EIF4E3: variants seen among roughly 807,000 people sequenced by gnomAD.
The protein encoded by EIF4E3 is eukaryotic translation initiation factor 4E family member 3, also known as eukaryotic translation initiation factor 4E type 3.
EIF4E3 carries 26 observed loss-of-function variants against 31.7 expected under a neutral mutation model. That is an observed-to-expected ratio of 0.82 (90% confidence interval 0.60 to 1.14). The LOEUF (loss-of-function observed/expected upper bound fraction) is 1.14. EIF4E3 is among the 50% of genes most tolerant of loss of function. EIF4E3 has a pLI of 0.00. For missense variants in EIF4E3, 304 were observed against 270.9 expected (o/e 1.12, Z -0.86); for synonymous variants, 128 against 107.7 (o/e 1.19, Z -1.17).
chr3:71,736,626 CA>C (rs1381901452), intron 1 of EIF4E3, among the ~76,000 whole-genome samples: 1 of 152,118 alleles, frequency 6.6e-6, no homozygotes, highest in Non-Finnish European at 1.5e-5. Flanking sequence ...GTTAAAGGAT[CA>C]GGGGTTGTCA....
chr3:71,726,753 G>A (rs931347478), upstream of EIF4E3, among the ~76,000 whole-genome samples: 2 of 152,186 alleles, frequency 1.3e-5, no homozygotes, highest in Middle Eastern at 3.2e-3. Context: ...AAACAAGACC[G>A]CTGCTTTAAA....
chr3:71,671,543 A>G (rs536517737), downstream of EIF4E3, among the ~76,000 whole-genome samples: 3 of 152,346 alleles, frequency 2.0e-5, no homozygotes, highest in South Asian at 6.2e-4. Flanking sequence ...TGTCAGGATC[A>G]GAAAGACACT....
At chr3:71,719,364 C>A (rs951434109) in intron 1 of EIF4E3, among the ~76,000 whole-genome samples, 1 of 152,082 alleles carries the variant, frequency 6.6e-6, no homozygotes, top group African/African-American at 2.4e-5. Context: ...CCACAGAGGT[C>A]TGAATGAGTA....
chr3:71,697,559 C>T (rs2049157049), intron 3 of EIF4E3, among the ~76,000 whole-genome samples: 2 of 151,966 alleles, frequency 1.3e-5, no homozygotes, highest in African/African-American at 4.8e-5. Context: ...CCCTGTTTAT[C>T]ACCCCCACAA....
intron 1 of EIF4E3, among the ~76,000 whole-genome samples, chr3:71,739,735 A>G (rs1459019039): frequency 6.6e-6 from 1 of 152,168 alleles, no homozygotes; most frequent in Non-Finnish European, 1.5e-5. Flanking sequence ...CTTCAAGAAG[A>G]AGGAACATGA....
chr3:71,738,915 A>G (rs2049791322), intron 1 of EIF4E3, among the ~76,000 whole-genome samples: 1 of 150,008 alleles, frequency 6.7e-6, no homozygotes, highest in African/African-American at 2.5e-5. Flanking sequence ...AACTTAACAA[A>G]TGTAAAATAA....
At chr3:71,694,912 A>T (rs957159386) in intron 4 of EIF4E3, among the ~76,000 whole-genome samples, 1 of 152,210 alleles carries the variant, frequency 6.6e-6, no homozygotes, top group Non-Finnish European at 1.5e-5. Context: ...TCCATGCCAT[A>T]AACAGCTGTG....
chr3:71,660,691 T>C, the EIF4E3 span, among the ~76,000 whole-genome samples: 1,066 of 152,276 alleles, frequency 7.0e-3, 15 homozygotes, highest in African/African-American at 0.024. Flanking sequence ...GCTGAGGCAG[T>C]AGGAATTTTC....
chr3:71,751,163 G>T (rs1033610170), intron 1 of EIF4E3, among the ~76,000 whole-genome samples: 3 of 152,116 alleles, frequency 2.0e-5, no homozygotes, highest in Admixed American at 2.0e-4. Flanking sequence ...AGCCTGGGAG[G>T]TTGAGGCTGC....
chr3:71,671,023 G>A (rs2048844748), downstream of EIF4E3, among the ~76,000 whole-genome samples: 1 of 152,134 alleles, frequency 6.6e-6, no homozygotes, highest in African/African-American at 2.4e-5. Flanking sequence ...GGATGAGCTG[G>A]TGGGAATGTT....
chr3:71,713,288 G>A (rs960993740), intron 1 of EIF4E3, among the ~76,000 whole-genome samples: 1 of 152,190 alleles, frequency 6.6e-6, no homozygotes, highest in African/African-American at 2.4e-5. Flanking sequence ...GAATACAGGT[G>A]ACCCATTTGT....
At chr3:71,722,011 G>A (rs771194306) in intron 1 of EIF4E3, among the ~76,000 whole-genome samples, 7 of 148,674 alleles carry the variant, frequency 4.7e-5, no homozygotes, top group Non-Finnish European at 7.4e-5. Context: ...AGAAGGGAGA[G>A]TGACAAGGGA....
intron 1 of EIF4E3, among the ~76,000 whole-genome samples, chr3:71,713,437 T>G (rs139163959): frequency 6.6e-5 from 10 of 152,294 alleles, no homozygotes; most frequent in African/African-American, 2.4e-4. Context: ...ATCCCAATTT[T>G]TTTGTTTGTT....
chr3:71,714,246 G>GAAGA (rs1177166280), intron 1 of EIF4E3, among the ~76,000 whole-genome samples: 2,040 of 98,306 alleles, frequency 0.021, 36 homozygotes, highest in Non-Finnish European at 0.029. Context: ...AGAAGGAAAG[G>GAAGA]AAGGAAGGAA....
At chr3:71,728,270 G>T (rs1440950892), upstream of EIF4E3, among the ~76,000 whole-genome samples, 2 of 152,176 alleles carry the variant, frequency 1.3e-5, no homozygotes, top group Non-Finnish European at 2.9e-5. Context: ...TTCCCTTCCT[G>T]TTTGAAATAT....
upstream of EIF4E3, chr3:71,754,517 C>G: frequency 7.7e-7 from 1 of 1,300,198 alleles, no homozygotes; most frequent in Non-Finnish European, 9.7e-7. This position sits in a 1 kb window ranked among gnomAD's most constrained non-coding sequence, Gnocchi z 5.8. Context: ...CCGCGGCCTT[C>G]CCGCCAGTGC....
rs116062858 is a variant in EIF4E3 at position 71,685,816 on chromosome 3, G to A, written c.629-1088C>T. On this transcript the variant is annotated intron_variant, in intron 6 of 6. Transcript: ENST00000425534. ...TGTGACAATCTACCTCCCGGATCTGGTTAACCATTACCAGGAAGCAACGTC... is the reference window on the plus strand; with the variant it reads ...TGTGACAATCTACCTCCCGGATCTGATTAACCATTACCAGGAAGCAACGTC... Among the ~76,000 whole-genome samples, 352 of 152,288 alleles carry A rather than the reference G, an allele frequency of 2.3e-3. 3 individuals carry two copies. The highest frequency in any genetic ancestry group is 8.3e-3 in the African/African-American group (343 of 41,550).
At chr3:71,716,509 A>C (rs2049468711) in intron 1 of EIF4E3, among the ~76,000 whole-genome samples, 1 of 152,260 alleles carries the variant, frequency 6.6e-6, no homozygotes, top group African/African-American at 2.4e-5. Flanking sequence ...CTGGGATTAC[A>C]GGCATGAGCC....
chr3:71,695,693 G>A (rs2049126414), intron 4 of EIF4E3, among the ~76,000 whole-genome samples: 1 of 152,186 alleles, frequency 6.6e-6, no homozygotes, highest in Admixed American at 6.5e-5. Flanking sequence ...TCCAGCTCAA[G>A]CATATGGGTC....
Sources: allele counts gnomAD v4.1 joint callset (sites outside exome capture counted in the v4.1 genomes callset), GRCh38; gene constraint gnomAD v4.1.1; non-coding constraint Gnocchi (gnomAD v3.1); transcripts MANE v1.5; gene names NCBI Gene and HGNC (gene_info 2026-07-23, HGNC 2026-07-21).